The following SLC22A23 variants were observed in gnomAD, a reference collection of about 807,000 sequenced individuals.
SLC22A23 encodes the protein ion transporter protein.
In SLC22A23, 26 loss-of-function variants were observed where a neutral mutation model predicts 61.0. The observed-to-expected ratio is 0.43, with a 90% confidence interval of 0.31 to 0.59. SLC22A23 has a LOEUF of 0.59. SLC22A23 is among the 20% of genes least tolerant of loss of function. SLC22A23 has a pLI of 0.11. For synonymous variants in SLC22A23, 430 were observed against 413.9 expected (o/e 1.04, Z -0.47); for missense variants, 796 against 934.7 (o/e 0.85, Z 1.94).
chr6:3,389,865 G>A (rs1025377415), intron 3 of SLC22A23, among the ~76,000 whole-genome samples: 5 of 152,236 alleles, frequency 3.3e-5, no homozygotes, highest in Admixed American at 2.0e-4. Context: ...CACCACACCC[G>A]TTAGTGGAGA....
At chr6:3,326,901 A>G (rs1339553652) in intron 3 of SLC22A23, among the ~76,000 whole-genome samples, 1 of 152,244 alleles carries the variant, frequency 6.6e-6, no homozygotes, top group Non-Finnish European at 1.5e-5. Flanking sequence ...ATGACAAATC[A>G]GTTTTTTTGG....
chr6:3,414,351 C>A lies in SLC22A23; in HGVS notation c.758+1401G>T, dbSNP rs1022410106. On this transcript the variant is annotated intron_variant, in intron 2 of 9. Coordinates refer to ENST00000406686, the MANE Select transcript of SLC22A23 (RefSeq NM_015482.2). The surrounding 1 kb of genome is among the most constrained non-coding windows in gnomAD (Gnocchi z 5.1). ...CAAGTATTTGGTTTAAAAAAATAAA[C>A]CCTGTGTTGCCTCTACCAAAGAAAG... 1.3e-5 allele frequency among the ~76,000 whole-genome samples: 2 copies of A among 152,118 alleles called. No individual in the cohort carries two copies. Among genetic ancestry groups the A allele is most frequent in the African/African-American group, 2.4e-5 (1 of 41,400 alleles).
At chr6:3,284,806 CCTGTGCTGAGCCTGGTGCCAGGGG>C (rs765521151) in intron 8 of SLC22A23, 6 of 1,160,082 alleles carry the variant, frequency 5.2e-6, no homozygotes, top group Non-Finnish European at 7.4e-6. Context: ...CGGGCCAGGG[CCTGTGCTGAGCCTGGTGCCAGGGG>C]AAGGGGCGGG....
rs1758483708 is a variant in SLC22A23 at position 3,271,678 on chromosome 6, A to G, written c.*1377T>C. 1 of 152,344 alleles carries G rather than the reference A, an allele frequency of 6.6e-6. No homozygotes were observed. The highest frequency in any genetic ancestry group is 6.5e-5 in the Admixed American group (1 of 15,284). 9.4% of individuals were successfully genotyped at this position (152,344 alleles called of 1,614,324 possible). On this transcript the variant is annotated 3_prime_UTR_variant, in exon 10 of 10. Transcript: ENST00000406686. ...AAAGCTGGTGCCCAAGTTGCTACAA[A>G]GTGGTGCCTGCCCTTGCCAAGGAGG...
At chr6:3,315,720 C>A (rs1347772376) in intron 4 of SLC22A23, among the ~76,000 whole-genome samples, 1 of 152,042 alleles carries the variant, frequency 6.6e-6, no homozygotes, top group Non-Finnish European at 1.5e-5. Context: ...AAAAATTAGC[C>A]AGGCGTGGTG....
rs1770603535 is a variant in SLC22A23 at position 3,427,871 on chromosome 6, T to C, written c.655-12016A>G. 6.6e-6 allele frequency among the ~76,000 whole-genome samples: 1 copy of C among 152,192 alleles called. No individual in the cohort carries two copies. Among genetic ancestry groups the C allele is most frequent in the Non-Finnish European group, 1.5e-5 (1 of 68,034 alleles). ...TGGCAGCATGACAGCAGAGTGTGACTGTGCAGGCTGGCTCCCGGCCCCCGC... is the reference window on the plus strand; with the variant it reads ...TGGCAGCATGACAGCAGAGTGTGACCGTGCAGGCTGGCTCCCGGCCCCCGC... On this transcript the variant is annotated intron_variant, in intron 1 of 9. Coordinates refer to ENST00000406686, the MANE Select transcript of SLC22A23 (RefSeq NM_015482.2). This position sits in a 1 kb window ranked among gnomAD's most constrained non-coding sequence, Gnocchi z 4.3.
chr6:3,359,894 G>A (rs541067457), intron 3 of SLC22A23, among the ~76,000 whole-genome samples: 158 of 152,292 alleles, frequency 1.0e-3, no homozygotes, highest in African/African-American at 3.7e-3. Flanking sequence ...TCCAACATAT[G>A]CTATAGTATA....
At chr6:3,321,883 G>A (rs1233531224) in intron 4 of SLC22A23, among the ~76,000 whole-genome samples, 1 of 152,186 alleles carries the variant, frequency 6.6e-6, no homozygotes, top group East Asian at 1.9e-4. Flanking sequence ...GGAAGCTGAG[G>A]GAAGACAGGG....
In SLC22A23 at chr6:3,281,771, C is replaced by T. The variant is rs534048827; in HGVS notation, c.1703+2081G>A. Among the ~76,000 whole-genome samples, 8 of 152,234 alleles carry T rather than the reference C, an allele frequency of 5.3e-5. No homozygotes were observed. The South Asian group carries it at 8.3e-4, about 16-fold the overall frequency. ...TGGCACGGGTGAAAAGGGCTCCCAG[C>T]GAGAAGAGGGATTTGTCAGGAACGC... On this transcript the variant is annotated intron_variant, in intron 9 of 9. Coordinates refer to ENST00000406686, the MANE Select transcript of SLC22A23 (RefSeq NM_015482.2).
At chr6:3,378,635 CT>C (rs1033257996) in intron 3 of SLC22A23, among the ~76,000 whole-genome samples, 8 of 142,384 alleles carry the variant, frequency 5.6e-5, no homozygotes, top group Admixed American at 2.8e-4. Flanking sequence ...CTGTGTCAGA[CT>C]TTTTTTTTCT....
chr6:3,410,226 A>G lies in SLC22A23; in HGVS notation c.875T>C (p.Phe292Ser). 1 of 1,613,956 alleles carries G rather than the reference A, an allele frequency of 6.2e-7. No homozygotes were observed. ...GGTGAGAATGATTCCAGCCAGGCAAAATCCTTCAAAGAACCTGAGTGTGCT... is the reference window on the plus strand; with the variant it reads ...GGTGAGAATGATTCCAGCCAGGCAAGATCCTTCAAAGAACCTGAGTGTGCT... ...MFSTLRFFEG[F>S]CLAGIILTLY... The change falls in exon 3 of 10, where the codon TTT becomes TCT. Residue 292 changes from phenylalanine (F) to serine (S), a missense_variant. By Grantham distance (155) the Phe-to-Ser change is radical. Transcript: ENST00000406686. The surrounding 1 kb of genome is among the most constrained non-coding windows in gnomAD (Gnocchi z 5.0).
At chr6:3,337,449 T>TCC (rs1763921793) in intron 3 of SLC22A23, among the ~76,000 whole-genome samples, 1 of 146,582 alleles carries the variant, frequency 6.8e-6, no homozygotes, top group African/African-American at 2.6e-5. Context: ...CAATTCCCTT[T>TCC]TTTTTTTTTT....
Position 3,328,656 on chromosome 6 carries a change from AC to A in SLC22A23, c.914-4655del, listed in dbSNP as rs1763411639. 6.6e-6 allele frequency among the ~76,000 whole-genome samples: 1 copy of A among 152,066 alleles called. No homozygotes were observed. Among genetic ancestry groups the A allele is most frequent in the African/African-American group, 2.4e-5 (1 of 41,396 alleles). Reference sequence around the variant, plus strand: ...AGGAGGAAGAAGATTCCACCTGTGGACGGCAGTGCCCGCCCCCATGCCCTGG... The same window carrying A: ...AGGAGGAAGAAGATTCCACCTGTGGAGGCAGTGCCCGCCCCCATGCCCTGG... On this transcript the variant is annotated intron_variant, in intron 3 of 9. Coordinates refer to ENST00000406686, the MANE Select transcript of SLC22A23 (RefSeq NM_015482.2). This position sits in a 1 kb window ranked among gnomAD's most constrained non-coding sequence, Gnocchi z 5.0.
chr6:3,339,714 C>T (rs754179884), intron 3 of SLC22A23, among the ~76,000 whole-genome samples: 23 of 152,142 alleles, frequency 1.5e-4, no homozygotes, highest in Admixed American at 2.0e-4. Flanking sequence ...GCCATGGCAA[C>T]GTCAGGAAGT....
Position 3,272,354 on chromosome 6 carries a change from A to G in SLC22A23, c.*701T>C, listed in dbSNP as rs1236956389. ...GCGATATGACTGCTGCTCAATTAAGATTTCTGGTGAAATGTTTAAGCTTTT... is the reference window on the plus strand; with the variant it reads ...GCGATATGACTGCTGCTCAATTAAGGTTTCTGGTGAAATGTTTAAGCTTTT... On this transcript the variant is annotated 3_prime_UTR_variant, in exon 10 of 10. Coordinates refer to ENST00000406686, the MANE Select transcript of SLC22A23 (RefSeq NM_015482.2). 1 of 152,670 alleles carries G rather than the reference A, an allele frequency of 6.6e-6. No homozygotes were observed. Among genetic ancestry groups the G allele is most frequent in the South Asian group, 2.1e-4 (1 of 4,828 alleles). The allele number at this position is 152,670 out of a possible 1,614,324, so 9.5% of individuals were successfully genotyped here. A position where few individuals can be genotyped will look rare whatever the true frequency, so the allele number is the denominator to read the frequency against.
chr6:3,321,507 A>AG (rs1280644107), intron 4 of SLC22A23, among the ~76,000 whole-genome samples: 4 of 152,216 alleles, frequency 2.6e-5, no homozygotes, highest in African/African-American at 9.7e-5. Context: ...AATTTTCCTG[A>AG]GGTTTTAGAA....
In SLC22A23 at chr6:3,273,130, C is replaced by T. The variant is rs762159413; in HGVS notation, c.1986G>A (p.Ser662=). Residue 662 remains serine (S), a synonymous_variant, in exon 10 of 10, where the codon TCG becomes TCA. Transcript: ENST00000406686. ...LLTNAELKDY[S]GLHDAAAAGD... ...CCGCGGCTGCGGCATCGTGGAGGCC[C>T]GAGTAGTCCTTGAGCTCGGCGTTGG... 45 of 1,608,776 alleles carry T rather than the reference C, an allele frequency of 2.8e-5. No individual in the cohort carries two copies. In the South Asian group the frequency reaches 2.9e-4, roughly 10 times the overall value.
chr6:3,369,179 G>A (rs1766040744), intron 3 of SLC22A23, among the ~76,000 whole-genome samples: 2 of 152,024 alleles, frequency 1.3e-5, no homozygotes, highest in Admixed American at 6.6e-5. Context: ...CTGGGCAGAA[G>A]GGAACTGGTA....
intron 1 of SLC22A23, among the ~76,000 whole-genome samples, chr6:3,442,026 C>T (rs1390845092): frequency 6.6e-6 from 1 of 152,208 alleles, no homozygotes; most frequent in Non-Finnish European, 1.5e-5. Flanking sequence ...AGAGGCGACC[C>T]AAGTGTCTGC....
Sources: gnomAD v4.1 joint callset for allele counts (sites outside exome capture counted in the v4.1 genomes callset) on GRCh38, gnomAD v4.1.1 for gene constraint, Gnocchi (gnomAD v3.1) non-coding constraint, MANE v1.5 for transcripts, NCBI Gene and HGNC (gene_info 2026-07-23, HGNC 2026-07-21) for gene names.